Variants in ALG12 observed in about 807,000 individuals in gnomAD.
The protein encoded by ALG12 is ALG12 alpha-1,6-mannosyltransferase, also known as dol-P-Man:Man(7)GlcNAc(2)-PP-Dol alpha-1,6-mannosyltransferase.
In ALG12, 36 loss-of-function variants were observed where a neutral mutation model predicts 46.0. That is an observed-to-expected ratio of 0.78 (90% confidence interval 0.60 to 1.03). ALG12 has a LOEUF of 1.03. Ranked by LOEUF, ALG12 falls within the 50% of genes least tolerant of loss-of-function variation. The pLI is 0.00. For missense variants in ALG12, 599 were observed against 633.5 expected (o/e 0.95, Z 0.58); for synonymous variants, 326 against 291.6 (o/e 1.12, Z -1.20).
rs201033281 is a variant in ALG12, at chr22:49,913,514, C to T, written c.166G>A (p.Asp56Asn). ...LYHWQDLEQY[D>N]HLEFPGVVPR... ...ACGACTCCGGGGAACTCAAGATGGT[C>T]GTACTGCGAGGAGAAGGGCAGGTCA... The change falls in exon 3 of 10, where the codon GAC becomes AAC. Residue 56 changes from aspartate to asparagine, a missense_variant. Physicochemically the swap from Asp to Asn is conservative, Grantham distance 23. Coordinates refer to ENST00000330817, the MANE Select transcript of ALG12 (RefSeq NM_024105.4). 3.0e-5 allele frequency: 49 copies of T among 1,613,914 alleles called. No individual in the cohort carries two copies. The East Asian group carries it at 6.5e-4, about 21-fold the overall frequency.
chr22:49,879,475 G>A, the ALG12 span, among the ~76,000 whole-genome samples: 1 of 151,684 alleles, frequency 6.6e-6, no homozygotes, highest in Non-Finnish European at 1.5e-5. Flanking sequence ...TGTTGCCCAG[G>A]CACACACCAC....
At chr22:49,881,649 T>C in the ALG12 span, among the ~76,000 whole-genome samples, 1 of 152,186 alleles carries the variant, frequency 6.6e-6, no homozygotes, top group African/African-American at 2.4e-5. Flanking sequence ...AGTTCCTGAG[T>C]AGCTTGGGAC....
At chr22:49,865,321 G>T in the ALG12 span, among the ~76,000 whole-genome samples, 1 of 152,082 alleles carries the variant, frequency 6.6e-6, no homozygotes, top group Non-Finnish European at 1.5e-5. Flanking sequence ...GCCGAGTGAG[G>T]TGTTGCTGTG....
intron 6 of ALG12, among the ~76,000 whole-genome samples, chr22:49,908,574 G>C (rs994772865): frequency 6.9e-6 from 1 of 144,814 alleles, no homozygotes; most frequent in Non-Finnish European, 1.5e-5. Context: ...GACGGTCACG[G>C]GTGACACACA....
chr22:49,864,583 G>C, the ALG12 span, among the ~76,000 whole-genome samples: 1 of 152,150 alleles, frequency 6.6e-6, no homozygotes, highest in Non-Finnish European at 1.5e-5. Context: ...TTGGGAGGTT[G>C]AGGTGGGAGG....
At position 49,902,715 on chromosome 22, in the gene ALG12, CTGTG is replaced by C. The variant is rs1413472017; in HGVS notation, c.*1119_*1122del. The C allele has an allele frequency of 1.0e-5, 1 of 95,632 alleles. No homozygotes were observed. The allele number at this position is 95,632 out of a possible 1,614,324, so 5.9% of individuals were successfully genotyped here. On this transcript the variant is annotated 3_prime_UTR_variant, in exon 10 of 10. Coordinates refer to ENST00000330817, the MANE Select transcript of ALG12 (RefSeq NM_024105.4). Reference sequence around the variant, plus strand: ...TATGCATAGTGTGTGCACGTGTGCACTGTGTGTGGATGCATGGTAATGTGCACGT... The same window carrying C: ...TATGCATAGTGTGTGCACGTGTGCACTGTGGATGCATGGTAATGTGCACGT...
chr22:49,865,041 G>GT, the ALG12 span, among the ~76,000 whole-genome samples: 1 of 147,970 alleles, frequency 6.8e-6, no homozygotes, highest in Non-Finnish European at 1.5e-5. Context: ...AGTGACGGCA[G>GT]CCCCGGGTCT....
At chr22:49,908,345 T>C (rs552252896) in intron 6 of ALG12, among the ~76,000 whole-genome samples, 126 of 128,742 alleles carry the variant, frequency 9.8e-4, no homozygotes, top group African/African-American at 3.0e-3. Flanking sequence ...CTGGCCAACA[T>C]GGTGAAACCC....
chr22:49,913,444 C>T lies in ALG12; in HGVS notation c.236G>A (p.Ser79Asn). The T allele has an allele frequency of 9.3e-6, 15 of 1,614,016 alleles. No homozygotes were observed. The highest frequency in any genetic ancestry group is 1.3e-5 in the Non-Finnish European group (15 of 1,180,048). The change falls in exon 3 of 10, where the codon AGC (serine) becomes AAC (asparagine). Residue 79 changes from serine to asparagine, a missense_variant. By Grantham distance (46) the Ser-to-Asn change is conservative. Coordinates refer to ENST00000330817, the MANE Select transcript of ALG12 (RefSeq NM_024105.4). ...LGPVVIAVFS[S>N]PAVYVLSLLE... ...CAGCGAAAGCACGTAAACCGCGGGGCTGGAGAACACTGCGATCACCACTGG... is the reference window on the plus strand; with the variant it reads ...CAGCGAAAGCACGTAAACCGCGGGGTTGGAGAACACTGCGATCACCACTGG...
intron 9 of ALG12, 56 bp from the exon 10 acceptor site, chr22:49,904,122 GC>G: frequency 6.2e-7 from 1 of 1,613,934 alleles, no homozygotes; most frequent in African/African-American, 1.3e-5. Context: ...CCTGTCCCCC[GC>G]CCCCAAGGGG....
At chr22:49,884,389 G>A in the ALG12 span, 1 of 1,612,830 alleles carries the variant, frequency 6.2e-7, no homozygotes, top group Non-Finnish European at 8.5e-7. Context: ...GTCCGTTTCG[G>A]AGAAGTGCGG....
At chr22:49,880,004 T>C in the ALG12 span, among the ~76,000 whole-genome samples, 1 of 151,794 alleles carries the variant, frequency 6.6e-6, no homozygotes, top group Admixed American at 6.6e-5. Context: ...GGTCTGGTTG[T>C]TTTTGTCAGC....
the ALG12 span, among the ~76,000 whole-genome samples, chr22:49,880,867 A>G: frequency 7.2e-5 from 11 of 152,292 alleles, no homozygotes; most frequent in African/African-American, 2.6e-4. Flanking sequence ...TGAACTTGGT[A>G]TATTTCTCCA....
the ALG12 span, among the ~76,000 whole-genome samples, chr22:49,870,825 T>C: frequency 6.6e-6 from 1 of 152,202 alleles, no homozygotes; most frequent in Non-Finnish European, 1.5e-5. Context: ...AGAGGCTCTT[T>C]AGTTAGGTCC....
the ALG12 span, among the ~76,000 whole-genome samples, chr22:49,861,230 G>A: frequency 6.6e-5 from 10 of 150,880 alleles, no homozygotes; most frequent in South Asian, 1.1e-3. Flanking sequence ...ATGGAGTCTC[G>A]CTCTGGATTC....
chr22:49,861,991 T>A, the ALG12 span, among the ~76,000 whole-genome samples: 8 of 152,336 alleles, frequency 5.3e-5, no homozygotes, highest in East Asian at 1.5e-3. Flanking sequence ...GGAGAGGGCC[T>A]GACCAACAGA....
intron 1 of ALG12, among the ~76,000 whole-genome samples, chr22:49,914,404 G>A (rs895579604): frequency 1.5e-4 from 23 of 152,236 alleles, no homozygotes; most frequent in Non-Finnish European, 2.9e-4. Context: ...GGACGCCTGC[G>A]CCGAACCCCA....
chr22:49,883,919 T>G, the ALG12 span: 1 of 1,610,048 alleles, frequency 6.2e-7, no homozygotes, highest in Non-Finnish European at 8.5e-7. Flanking sequence ...TATGGCGCGC[T>G]GTTCTCCCAG....
chr22:49,859,806 A>G, the ALG12 span, among the ~76,000 whole-genome samples: 1 of 152,246 alleles, frequency 6.6e-6, no homozygotes, highest in African/African-American at 2.4e-5. Flanking sequence ...TGGGGAGACC[A>G]CTTGAGCTCA....
Sources: gnomAD v4.1 joint callset for allele counts (sites outside exome capture counted in the v4.1 genomes callset) on GRCh38, gnomAD v4.1.1 for gene constraint, MANE v1.5 for transcripts, NCBI Gene and HGNC (gene_info 2026-07-23, HGNC 2026-07-21) for gene names.